Variants in CSK observed in about 807,000 individuals in gnomAD.
CSK encodes the protein C-terminal Src kinase, also known as tyrosine-protein kinase CSK.
In CSK, 7 loss-of-function variants were observed where a neutral mutation model predicts 62.3. That is an observed-to-expected ratio of 0.11 (90% CI 0.06 to 0.21). The LOEUF (loss-of-function observed/expected upper bound fraction) is 0.21. Among genes scored for constraint, CSK ranks in the 10% least tolerant of loss-of-function variants. The pLI, the probability that CSK is intolerant of heterozygous loss-of-function variation, is 1.00. For missense variants in CSK, 294 were observed against 613.5 expected, an observed-to-expected ratio of 0.48 and a Z score of 5.50; for synonymous variants, 237 against 246.0, an observed-to-expected ratio of 0.96 and a Z score of 0.34.
At chr15:74,789,162 T>A (rs1367961318) in intron 1 of CSK, among the ~76,000 whole-genome samples, 1 of 152,242 alleles carries the variant, frequency 6.6e-6, no homozygotes, top group African/African-American at 2.4e-5. Flanking sequence ...ATTTGGTATT[T>A]ATCCATTAAA....
At chr15:74,795,094 A>G (rs1028236702) in intron 1 of CSK, among the ~76,000 whole-genome samples, 18 of 151,962 alleles carry the variant, frequency 1.2e-4, no homozygotes, top group African/African-American at 1.2e-4. Flanking sequence ...TTCTCATACT[A>G]TGCCAGTCCC....
Position 74,801,697 on chromosome 15 carries a change from A to G in CSK, c.890A>G (p.Asp297Gly). ...GGDCLLKFSL[D>G]VCEAMEYLEG... is the part of the protein sequence containing the mutation. The stretch of plus-strand genomic sequence containing the variant: ...ACATGTGGCTGGCCTACCCCCAGAG[A>G]TGTCTGCGAGGCCATGGAATACCTG... Residue 297 changes from aspartate to glycine, a missense_variant and splice_region_variant, in exon 11 of 13, where the codon GAT becomes GGT. Transcript: ENST00000220003. The G allele has an allele frequency of 6.2e-7, 1 of 1,612,160 alleles. No individual in the cohort carries two copies. Among genetic ancestry groups the G allele is most frequent in the Non-Finnish European group, 8.5e-7 (1 of 1,178,534 alleles).
At chr15:74,787,527 CCCCCA>C (rs1040987114) in intron 1 of CSK, among the ~76,000 whole-genome samples, 2 of 151,368 alleles carry the variant, frequency 1.3e-5, no homozygotes, top group African/African-American at 4.8e-5. Context: ...CCTCAGCAGG[CCCCCA>C]GGGACTGGAG....
At chr15:74,790,305 G>A (rs555131196) in intron 1 of CSK, among the ~76,000 whole-genome samples, 3 of 152,202 alleles carry the variant, frequency 2.0e-5, no homozygotes, top group African/African-American at 7.2e-5. Context: ...AGGGGGAAGG[G>A]CAAGGGAGCC....
At chr15:74,793,907 G>A (rs911122144) in intron 1 of CSK, among the ~76,000 whole-genome samples, 1 of 152,016 alleles carries the variant, frequency 6.6e-6, no homozygotes, top group Admixed American at 6.6e-5. Flanking sequence ...TGCTAGCAGG[G>A]CCCCTATTCA....
chr15:74,798,280 G>T lies in CSK; in HGVS notation c.-18G>T. ...GTTGGCTTTACTGTGACTCGGGGAC[G>T]CCAGAGCTCCTGAGAAGATGTCAGC... On this transcript the variant is annotated 5_prime_UTR_variant, in exon 2 of 13. Transcript: ENST00000220003. This position sits in a 1 kb window ranked among gnomAD's most constrained non-coding sequence, Gnocchi z 6.6. 6.4e-7 allele frequency: 1 copy of T among 1,559,100 alleles called. No homozygotes were observed. Among genetic ancestry groups the T allele is most frequent in the Non-Finnish European group, 8.7e-7 (1 of 1,152,210 alleles).
intron 1 of CSK, among the ~76,000 whole-genome samples, chr15:74,797,267 C>T (rs533371479): frequency 3.3e-4 from 50 of 152,266 alleles, no homozygotes; most frequent in Non-Finnish European, 4.1e-4. Context: ...TGAAATTTAT[C>T]GGGATTGGCC....
chr15:74,799,778 T>C (rs548953642), intron 5 of CSK, among the ~76,000 whole-genome samples: 2 of 152,270 alleles, frequency 1.3e-5, no homozygotes, highest in African/African-American at 4.8e-5. Context: ...CCCACAGATA[T>C]AATTTGGTGC....
Position 74,798,907 on chromosome 15 carries a change from G to T in CSK, c.211G>T (p.Val71Leu). The T allele has an allele frequency of 6.5e-7, 1 of 1,537,802 alleles. No homozygotes were observed. The highest frequency in any genetic ancestry group is 2.3e-5 in the East Asian group (1 of 44,290). ...PANYVQKREG[V>L]KAGTKLSLMP... The stretch of plus-strand genomic sequence containing the variant: ...CAACTACGTCCAGAAGCGGGAGGGC[G>T]TGAAGGCGGGTACCAAACTCAGCCT... Residue 71 changes from valine to leucine, a missense_variant, in exon 4 of 13, where the codon GTG (valine) becomes TTG (leucine). Physicochemically the swap from Val to Leu is conservative, Grantham distance 32 (BLOSUM62 1). Coordinates refer to ENST00000220003, the MANE Select transcript of CSK (RefSeq NM_004383.3). This position sits in a 1 kb window ranked among gnomAD's most constrained non-coding sequence, Gnocchi z 6.6.
intron 9 of CSK, 100 bp downstream of exon 9, chr15:74,801,202 G>A (rs2063787520): frequency 7.6e-7 from 1 of 1,310,004 alleles, no homozygotes; most frequent in Admixed American, 1.8e-5. Context: ...GACCCCAAGT[G>A]AGCTTTTAGG....
chr15:74,798,478 C>G lies in CSK; in HGVS notation c.16-137C>G, dbSNP rs764485759. The stretch of plus-strand genomic sequence containing the variant: ...TGGGGGAGTCTCAACAGGAAGGGAC[C>G]CAGGGCTCGTTCTCCGGGCAGAGCA... On this transcript the variant is annotated intron_variant, in intron 2 of 12. Coordinates refer to ENST00000220003, the MANE Select transcript of CSK (RefSeq NM_004383.3). The surrounding 1 kb of genome is among the most constrained non-coding windows in gnomAD (Gnocchi z 6.6). 4.1e-6 allele frequency: 5 copies of G among 1,220,736 alleles called. No individual in the cohort carries two copies. The highest frequency in any genetic ancestry group is 4.7e-6 in the Non-Finnish European group (4 of 846,650). 75.6% of individuals were successfully genotyped at this position (1,220,736 alleles called of 1,614,324 possible).
chr15:74,791,003 G>A (rs1276759025), intron 1 of CSK: 1 of 152,218 alleles, frequency 6.6e-6, no homozygotes, highest in East Asian at 1.9e-4. Flanking sequence ...ATAGATGCAT[G>A]TGGCTTTAAA....
chr15:74,799,934 T>C (rs2063763186), intron 5 of CSK, among the ~76,000 whole-genome samples: 1 of 152,194 alleles, frequency 6.6e-6, no homozygotes, highest in Non-Finnish European at 1.5e-5. Context: ...TGCACGGACA[T>C]GCCCACAGGT....
rs1445246077 is a variant in CSK, at chr15:74,802,381, C to T, written c.1221C>T (p.Ala407=). The T allele has an allele frequency of 1.9e-6, 3 of 1,610,912 alleles. No individual in the cohort carries two copies. In the Admixed American group the frequency reaches 5.1e-5, roughly 27 times the overall value. ...TGGAGAAGGGCTACAAGATGGATGC[C>T]CCCGACGGCTGCCCGCCCGCAGTCT... The part of the protein sequence containing the change: ...PRVEKGYKMD[A]PDGCPPAVYE... Residue 407 remains alanine (A), a synonymous_variant, in exon 13 of 13, where the codon GCC becomes GCT. Coordinates refer to ENST00000220003, the MANE Select transcript of CSK (RefSeq NM_004383.3).
rs145089812 is a variant in CSK, at chr15:74,802,399, C to A, written c.1239C>A (p.Pro413=). The change falls in exon 13 of 13, where the codon CCC becomes CCA. Residue 413 remains proline, a synonymous_variant. Transcript: ENST00000220003. Reference sequence around the variant, plus strand: ...TGGATGCCCCCGACGGCTGCCCGCCCGCAGTCTATGAAGTCATGAAGAACT... The same window carrying A: ...TGGATGCCCCCGACGGCTGCCCGCCAGCAGTCTATGAAGTCATGAAGAACT... The part of the protein sequence containing the change: ...YKMDAPDGCP[P]AVYEVMKNCW... 69 of 1,612,282 alleles carry A rather than the reference C, an allele frequency of 4.3e-5. No individual in the cohort carries two copies. Among genetic ancestry groups the A allele is most frequent in the Non-Finnish European group, 5.8e-5 (68 of 1,179,718 alleles).
intron 1 of CSK, chr15:74,797,907 C>G (rs2063731179): frequency 5.3e-6 from 1 of 188,372 alleles, no homozygotes. Context: ...GGGCCCCTTT[C>G]CCCACAGAAC....
At chr15:74,801,184 A>G in intron 9 of CSK, 82 bp downstream of exon 9, 1 of 1,505,256 alleles carries the variant, frequency 6.6e-7, no homozygotes, top group East Asian at 2.3e-5. Context: ...CTGCTCCCTC[A>G]GTCCCCCGAC....
chr15:74,792,559 A>C (rs1379262749), intron 1 of CSK, among the ~76,000 whole-genome samples: 1 of 152,152 alleles, frequency 6.6e-6, no homozygotes, highest in Non-Finnish European at 1.5e-5. Flanking sequence ...CTTAAGTTTA[A>C]ATAACCCCAG....
Position 74,802,755 on chromosome 15 carries a change from A to C in CSK, c.*242A>C. On this transcript the variant is annotated 3_prime_UTR_variant, in exon 13 of 13. Coordinates refer to ENST00000220003, the MANE Select transcript of CSK (RefSeq NM_004383.3). Reference sequence around the variant, plus strand: ...ACGGAGCGGGAGGCAGCGCCCCACCACGTCGGGCTTCCCTGGCCTCCCGCC... The same window carrying C: ...ACGGAGCGGGAGGCAGCGCCCCACCCCGTCGGGCTTCCCTGGCCTCCCGCC... 1 of 456,674 alleles carries C rather than the reference A, an allele frequency of 2.2e-6. No individual in the cohort carries two copies. Among genetic ancestry groups the C allele is most frequent in the Non-Finnish European group, 3.8e-6 (1 of 261,750 alleles). 28.3% of individuals were successfully genotyped at this position (456,674 alleles called of 1,614,324 possible). A position where few individuals can be genotyped will look rare whatever the true frequency, so the allele number is the denominator to read the frequency against.
Sources: gnomAD v4.1 joint callset for allele counts (sites outside exome capture counted in the v4.1 genomes callset) on GRCh38, gnomAD v4.1.1 for gene constraint, Gnocchi (gnomAD v3.1) non-coding constraint, MANE v1.5 for transcripts, NCBI Gene and HGNC (gene_info 2026-07-23, HGNC 2026-07-21) for gene names.